Variants in CEP128 observed in about 807,000 individuals in gnomAD.
CEP128 encodes the protein centrosomal protein 128kDa.
Under a neutral mutation model 156.7 loss-of-function variants are expected in CEP128, and 132 were observed. That is an observed-to-expected ratio of 0.84 (90% CI 0.73 to 0.97). The LOEUF (loss-of-function observed/expected upper bound fraction) is 0.97. Among genes scored for constraint, CEP128 ranks in the 50% least tolerant of loss-of-function variants. The pLI, the probability that CEP128 is intolerant of heterozygous loss-of-function variation, is 0.00. For missense variants in CEP128, 1,252 were observed against 1,281.9 expected, an observed-to-expected ratio of 0.98 and a Z score of 0.36; for synonymous variants, 469 against 448.9, an observed-to-expected ratio of 1.04 and a Z score of -0.57.
chr14:80,697,406 A>G (rs1190065861), intron 19 of CEP128, among the ~76,000 whole-genome samples: 1 of 152,114 alleles, frequency 6.6e-6, no homozygotes, highest in Non-Finnish European at 1.5e-5. Flanking sequence ...CAGTCATTCA[A>G]TTGAGCACCT....
At chr14:80,527,135 GAGAA>G in intron 22 of CEP128, 153 bp from the exon 23 acceptor site, 2 of 557,472 alleles carry the variant, frequency 3.6e-6, no homozygotes, top group Non-Finnish European at 6.3e-6. Context: ...GGCCACCATA[GAGAA>G]AGAAGAAGGC....
At chr14:80,940,798 G>T (rs968089308) in intron 1 of CEP128, among the ~76,000 whole-genome samples, 3 of 151,878 alleles carry the variant, frequency 2.0e-5, no homozygotes, top group Non-Finnish European at 4.4e-5. Flanking sequence ...TTTAATGTGG[G>T]TACTACAAAA....
At chr14:80,946,465 G>A (rs1205450925), upstream of CEP128, among the ~76,000 whole-genome samples, 1 of 151,694 alleles carries the variant, frequency 6.6e-6, no homozygotes, top group African/African-American at 2.4e-5. Flanking sequence ...TTATACTAAT[G>A]AGATCACCAG....
chr14:80,722,549 G>T (rs1897858329), intron 19 of CEP128, among the ~76,000 whole-genome samples: 1 of 151,028 alleles, frequency 6.6e-6, no homozygotes, highest in Non-Finnish European at 1.5e-5. Flanking sequence ...ATATATAAAT[G>T]TAACATGTAT....
At chr14:80,569,553 T>C (rs1320521932) in intron 20 of CEP128, among the ~76,000 whole-genome samples, 1 of 152,210 alleles carries the variant, frequency 6.6e-6, no homozygotes, top group East Asian at 1.9e-4. Context: ...AAAAGTCTGA[T>C]TACTCAAAAT....
intron 2 of CEP128, among the ~76,000 whole-genome samples, chr14:80,931,196 T>C (rs1264970501): frequency 2.6e-5 from 4 of 152,220 alleles, no homozygotes; most frequent in African/African-American, 4.8e-5. Flanking sequence ...CTTTGAATGA[T>C]TACCTAACAG....
intron 10 of CEP128, among the ~76,000 whole-genome samples, chr14:80,840,381 C>T (rs1031339058): frequency 6.6e-6 from 1 of 152,118 alleles, no homozygotes; most frequent in Non-Finnish European, 1.5e-5. Flanking sequence ...AATGACAGGT[C>T]TTTTCTAACC....
At position 80,792,781 on chromosome 14, in the gene CEP128, T is replaced by C. The variant is rs202087891; in HGVS notation, c.1539A>G (p.Glu513=). ...ALEKQSETVD[E]LTGKNNQILK... is the part of the protein sequence containing the mutation. ...ATACCTGATTATTCTTGCCTGTCAG[T>C]TCATCAACAGTTTCAGATTGTTTCT... Residue 513 remains glutamate, a synonymous_variant, in exon 14 of 25, where the codon GAA becomes GAG. Coordinates refer to ENST00000555265, the MANE Select transcript of CEP128 (RefSeq NM_152446.5). 1.2e-6 allele frequency: 2 copies of C among 1,613,900 alleles called. No individual in the cohort carries two copies. Among genetic ancestry groups the C allele is most frequent in the African/African-American group, 2.7e-5 (2 of 74,938 alleles).
chr14:80,778,131 A>AT, intron 15 of CEP128, 85 bp from the exon 16 acceptor site: 1 of 1,098,582 alleles, frequency 9.1e-7, no homozygotes, highest in Non-Finnish European at 1.3e-6. Flanking sequence ...ATCAGTGGAA[A>AT]AACACTGCAA....
chr14:80,829,230 T>C (rs1885650006), intron 13 of CEP128, among the ~76,000 whole-genome samples: 1 of 152,206 alleles, frequency 6.6e-6, no homozygotes, highest in Non-Finnish European at 1.5e-5. Context: ...AACTATTTTA[T>C]TGTTCAAATT....
At chr14:80,627,914 T>C (rs935169993) in intron 19 of CEP128, among the ~76,000 whole-genome samples, 2 of 152,164 alleles carry the variant, frequency 1.3e-5, no homozygotes, top group Non-Finnish European at 2.9e-5. Flanking sequence ...TGTATTCTAA[T>C]TCCCTTAAAA....
intron 6 of CEP128, among the ~76,000 whole-genome samples, chr14:80,900,830 T>A (rs1595566153): frequency 6.6e-6 from 1 of 152,132 alleles, no homozygotes; most frequent in East Asian, 1.9e-4. Context: ...AGTAAAAAAA[T>A]TGTTTTTTAA....
chr14:80,563,624 C>G lies in CEP128; in HGVS notation c.2857-4322G>C, dbSNP rs1207293323. Among the ~76,000 whole-genome samples the G allele has an allele frequency of 3.4e-5, 5 of 145,560 alleles. No individual in the cohort carries two copies. The East Asian group carries it at 1.0e-3, about 30-fold the overall frequency. ...TCTCGGCTCACTGCAACCTCCACCT[C>G]TTGGATTTAAGTGATTCTCCTGTCT... On this transcript the variant is annotated intron_variant, in intron 20 of 24. Coordinates refer to ENST00000555265, the MANE Select transcript of CEP128 (RefSeq NM_152446.5).
At chr14:80,562,623 A>G (rs533879631) in intron 20 of CEP128, among the ~76,000 whole-genome samples, 4 of 151,856 alleles carry the variant, frequency 2.6e-5, no homozygotes, top group Non-Finnish European at 5.9e-5. Context: ...TCTCAATGGA[A>G]AATAAGCCAA....
intron 20 of CEP128, 60 bp downstream of exon 20, chr14:80,580,314 T>A: frequency 1.9e-6 from 2 of 1,073,962 alleles, no homozygotes; most frequent in Non-Finnish European, 1.4e-6. Flanking sequence ...TAATAAAGGA[T>A]AAAAGAGTAA....
chr14:80,744,694 G>C (rs1899008857), intron 18 of CEP128, among the ~76,000 whole-genome samples: 3 of 152,096 alleles, frequency 2.0e-5, no homozygotes, highest in Non-Finnish European at 4.4e-5. Context: ...TCTTTCTCAA[G>C]TTCACAGTCA....
chr14:80,720,751 C>T (rs1019517453), intron 19 of CEP128, among the ~76,000 whole-genome samples: 10 of 152,078 alleles, frequency 6.6e-5, no homozygotes, highest in South Asian at 2.1e-4. Flanking sequence ...GTCTAGGTAG[C>T]GGAAACGAAG....
At chr14:80,643,284 G>A (rs1894497175) in intron 19 of CEP128, among the ~76,000 whole-genome samples, 3 of 152,160 alleles carry the variant, frequency 2.0e-5, no homozygotes, top group Admixed American at 2.0e-4. Context: ...AGTGGCACCA[G>A]TGAGGAGTAC....
Position 80,641,240 on chromosome 14 carries a change from G to A in CEP128, c.2807-60817C>T, listed in dbSNP as rs577169671. On this transcript the variant is annotated intron_variant, in intron 19 of 24. Transcript: ENST00000555265. The stretch of plus-strand genomic sequence containing the variant: ...TATAACTACTGCTCTCATTTTAGGT[G>A]GATGCCTCCTCATTCTCTAATGCAA... Among the ~76,000 whole-genome samples, 3 of 152,252 alleles carry A rather than the reference G, an allele frequency of 2.0e-5. No individual in the cohort carries two copies. In the East Asian group the frequency reaches 5.8e-4, roughly 29 times the overall value.
Sources: gnomAD v4.1 joint callset for allele counts (sites outside exome capture counted in the v4.1 genomes callset) on GRCh38, gnomAD v4.1.1 for gene constraint, MANE v1.5 for transcripts, NCBI Gene and HGNC (gene_info 2026-07-23, HGNC 2026-07-21) for gene names.